Variants in TXNRD1 observed in about 807,000 individuals in gnomAD.
TXNRD1 encodes the protein thioredoxin reductase 1, cytoplasmic.
In TXNRD1, 57 loss-of-function variants were observed where a neutral mutation model predicts 80.3. That is an observed-to-expected ratio of 0.71 (90% CI 0.57 to 0.89). The LOEUF is 0.89. Ranked by LOEUF, TXNRD1 falls within the 40% of genes least tolerant of loss-of-function variation. The pLI is 0.00. For synonymous variants in TXNRD1, 291 were observed against 285.2 expected, an observed-to-expected ratio of 1.02 and a Z score of -0.20; for missense variants, 730 against 803.0, an observed-to-expected ratio of 0.91 and a Z score of 1.10.
At chr12:104,267,277 T>TTCTTTCTTTCTTTCTTTCTTTCTTTCTA (rs1565869785) in intron 3 of TXNRD1, among the ~76,000 whole-genome samples, 2 of 147,828 alleles carry the variant, frequency 1.4e-5, no homozygotes, top group East Asian at 4.0e-4. Context: ...CTTTCTTTCT[T>TTCTTTCTTTCTTTCTTTCTTTCTTTCTA]TCTTTCCTCT....
intron 2 of TXNRD1, among the ~76,000 whole-genome samples, chr12:104,253,582 T>G (rs550995289): frequency 8.5e-5 from 13 of 152,296 alleles, no homozygotes; most frequent in African/African-American, 2.9e-4. Flanking sequence ...ATTATGTAGC[T>G]CTGCAATTCT....
At chr12:104,252,515 G>A (rs2033140426) in intron 2 of TXNRD1, among the ~76,000 whole-genome samples, 1 of 151,012 alleles carries the variant, frequency 6.6e-6, no homozygotes, top group Non-Finnish European at 1.5e-5. Flanking sequence ...AGAATTGAAA[G>A]GCAAACCTGA....
At chr12:104,243,916 T>C (rs1042592354) in intron 1 of TXNRD1, among the ~76,000 whole-genome samples, 6 of 152,220 alleles carry the variant, frequency 3.9e-5, no homozygotes, top group Non-Finnish European at 1.5e-5. Context: ...AGTTCATTCA[T>C]TGTCCTGGTT....
intron 3 of TXNRD1, among the ~76,000 whole-genome samples, chr12:104,267,241 C>CTATTTCTTTCTTTCTTTCTTTCTTTCTT (rs755476528): frequency 1.2e-5 from 1 of 85,750 alleles, no homozygotes; most frequent in Non-Finnish European, 2.1e-5. Flanking sequence ...ATTTTCTTTT[C>CTATTTCTTTCTTTCTTTCTTTCTTTCTT]TCTTTCTTTC....
At chr12:104,325,132 C>G (rs941700849) in intron 10 of TXNRD1, among the ~76,000 whole-genome samples, 5 of 152,152 alleles carry the variant, frequency 3.3e-5, no homozygotes, top group Non-Finnish European at 5.9e-5. Flanking sequence ...AAGAAAGCCC[C>G]TCTAGCAGAC....
intron 2 of TXNRD1, among the ~76,000 whole-genome samples, chr12:104,252,686 A>ATTT (rs2033150039): frequency 6.0e-5 from 5 of 83,934 alleles, no homozygotes; most frequent in South Asian, 3.8e-4. Context: ...ATATATATAT[A>ATTT]TATATTTTTT....
intron 1 of TXNRD1, among the ~76,000 whole-genome samples, chr12:104,217,948 TTG>T (rs2032254733): frequency 1.3e-5 from 2 of 151,930 alleles, no homozygotes; most frequent in African/African-American, 4.8e-5. Flanking sequence ...TAATATTCCA[TTG>T]TGTGTGTGTA....
In TXNRD1 at chr12:104,349,919, A is replaced by G. The variant is rs1386165877; in HGVS notation, c.*1498A>G. 1 of 152,586 alleles carries G rather than the reference A, an allele frequency of 6.6e-6. No homozygotes were observed. Among genetic ancestry groups the G allele is most frequent in the Non-Finnish European group, 1.5e-5 (1 of 68,032 alleles). 9.5% of individuals were successfully genotyped at this position (152,586 alleles called of 1,614,324 possible). On this transcript the variant is annotated 3_prime_UTR_variant, in exon 17 of 17. Transcript: ENST00000525566. ...CCACAGGGCTCTGCCTCACGTCCTC[A>G]TCTCATTTGGCTGTGTAAAGAAATG...
At chr12:104,218,498 T>C (rs981904331) in intron 1 of TXNRD1, among the ~76,000 whole-genome samples, 1 of 152,200 alleles carries the variant, frequency 6.6e-6, no homozygotes, top group African/African-American at 2.4e-5. Flanking sequence ...CTACTCTGAT[T>C]TCTAACAGCA....
chr12:104,309,664 C>T (rs1357476780), intron 4 of TXNRD1: 1 of 856,092 alleles, frequency 1.2e-6, no homozygotes, highest in Non-Finnish European at 1.7e-6. Flanking sequence ...AAGTCATGCT[C>T]TTTGAGACCC....
chr12:104,337,440 G>C (rs891733283), intron 15 of TXNRD1, among the ~76,000 whole-genome samples: 2 of 152,044 alleles, frequency 1.3e-5, no homozygotes, highest in African/African-American at 4.8e-5. Context: ...CTCAACAGTA[G>C]AGTGCATCAG....
At chr12:104,227,757 G>A (rs112625896) in intron 1 of TXNRD1, among the ~76,000 whole-genome samples, 171 of 152,142 alleles carry the variant, frequency 1.1e-3, no homozygotes, top group African/African-American at 3.9e-3. Flanking sequence ...TGTCTTTTCA[G>A]GAATGCGATA....
In TXNRD1 at chr12:104,254,644, A is replaced by AAAAAAAAAAAAT; in HGVS notation, c.243+2967_243+2968insAAAAAAAAAATA. On this transcript the variant is annotated intron_variant, in intron 2 of 16. Transcript: ENST00000525566. Reference sequence around the variant, plus strand: ...CTATGTCTATGGAAAAAAAAAAAAAAATATATATATATATATATATATCAG... The same window carrying AAAAAAAAAAAAT: ...CTATGTCTATGGAAAAAAAAAAAAAAAAAAAAAAAAATATATATATATATATATATATATCAG... Among the ~76,000 whole-genome samples the AAAAAAAAAAAAT allele has an allele frequency of 9.4e-3, 879 of 93,424 alleles. 23 individuals carry two copies. Among genetic ancestry groups the AAAAAAAAAAAAT allele is most frequent in the Non-Finnish European group, 0.014 (719 of 52,026 alleles). 61.3% of individuals were successfully genotyped at this position (93,424 alleles called of 152,430 possible).
chr12:104,315,658 C>A (rs1432386266), intron 6 of TXNRD1, 119 bp from the exon 7 acceptor site: 1 of 1,177,358 alleles, frequency 8.5e-7, no homozygotes, highest in Non-Finnish European at 1.1e-6. Flanking sequence ...TATTACTGAC[C>A]ACATTAAGCA....
rs765370236 is a variant in TXNRD1, at chr12:104,288,913, T to A, written c.305-18T>A. On this transcript the variant is annotated intron_variant, in intron 3 of 16. Coordinates refer to ENST00000525566, the MANE Select transcript of TXNRD1 (RefSeq NM_001093771.3). ...GAGAAGCACCTTACACGCTCCGCTC[T>A]GCTTTTGTGCCACACAGAGGACGGT... The A allele has an allele frequency of 3.1e-6, 5 of 1,613,984 alleles. No homozygotes were observed. In the South Asian group the frequency reaches 5.5e-5, roughly 18 times the overall value.
chr12:104,269,366 G>A (rs1273849756), intron 3 of TXNRD1, among the ~76,000 whole-genome samples: 1 of 150,694 alleles, frequency 6.6e-6, no homozygotes, highest in African/African-American at 2.4e-5. Flanking sequence ...ATTTTTTGTG[G>A]GTTCTTTTTT....
At chr12:104,254,644 A>AAAAAAAATATATATATAT in intron 2 of TXNRD1, among the ~76,000 whole-genome samples, 3 of 93,636 alleles carry the variant, frequency 3.2e-5, no homozygotes, top group South Asian at 3.6e-4. Context: ...AAAAAAAAAA[A>AAAAAAAATATATATATAT]ATATATATAT....
chr12:104,230,347 G>A (rs1349043575), intron 1 of TXNRD1, among the ~76,000 whole-genome samples: 2 of 152,080 alleles, frequency 1.3e-5, no homozygotes, highest in South Asian at 2.1e-4. Context: ...GAGATTACAG[G>A]CATGAGCCAC....
intron 1 of TXNRD1, among the ~76,000 whole-genome samples, chr12:104,217,318 G>GTTTTTTTTTT (rs59546712): frequency 7.9e-6 from 1 of 126,108 alleles, no homozygotes; most frequent in Non-Finnish European, 1.7e-5. Context: ...TAACAATTTT[G>GTTTTTTTTTT]TTTTTTTTTT....
Sources: allele counts gnomAD v4.1 joint callset (sites outside exome capture counted in the v4.1 genomes callset), GRCh38; gene constraint gnomAD v4.1.1; transcripts MANE v1.5; gene names NCBI Gene and HGNC (gene_info 2026-07-23, HGNC 2026-07-21).